KLHL8: variants seen among roughly 807,000 people sequenced by gnomAD.
KLHL8 encodes the protein kelch like family member 8, also known as kelch-like protein 8.
A neutral mutation model predicts 63.5 loss-of-function variants in KLHL8; 38 were observed. That is an observed-to-expected ratio of 0.60 (90% CI 0.46 to 0.78). The LOEUF (loss-of-function observed/expected upper bound fraction) is 0.78, where lower values mean the gene tolerates loss of function less well. KLHL8 is among the 30% of genes least tolerant of loss of function. The probability of loss-of-function intolerance (pLI) is 0.00; values close to 1 mark genes in which losing one functional copy is unlikely to be tolerated. For missense variants in KLHL8, 566 were observed against 752.4 expected, an observed-to-expected ratio of 0.75 and a Z score of 2.90; for synonymous variants, 224 against 254.3, an observed-to-expected ratio of 0.88 and a Z score of 1.13.
rs552207988 is a variant in KLHL8 at position 87,171,396 on chromosome 4, A to T, written c.1209-781T>A. 2.0e-5 allele frequency among the ~76,000 whole-genome samples: 3 copies of T among 152,266 alleles called. No homozygotes were observed. In the South Asian group the frequency reaches 6.2e-4, roughly 32 times the overall value. ...CTATGAAGTATTAGCTTTTATTATTATTGGAGAAAGCAGCTGCTTCACTGA... is the reference window on the plus strand; with the variant it reads ...CTATGAAGTATTAGCTTTTATTATTTTTGGAGAAAGCAGCTGCTTCACTGA... On this transcript the variant is annotated intron_variant, in intron 6 of 9. Coordinates refer to ENST00000273963, the MANE Select transcript of KLHL8 (RefSeq NM_020803.5).
Position 87,161,605 on chromosome 4 carries a change from AAATAT to A in KLHL8, c.*1909_*1913del. The A allele has an allele frequency of 6.6e-6, 1 of 152,374 alleles. No individual in the cohort carries two copies. Among genetic ancestry groups the A allele is most frequent in the Non-Finnish European group, 1.5e-5 (1 of 68,036 alleles). The allele number at this position is 152,374 out of a possible 1,614,324, so 9.4% of individuals were successfully genotyped here. ...ATAACAAGATCCTCTCCCCGAAAATAAATATAACAAACATATTAGTAACCATAGCT... is the reference window on the plus strand; with the variant it reads ...ATAACAAGATCCTCTCCCCGAAAATAAACAAACATATTAGTAACCATAGCT... On this transcript the variant is annotated 3_prime_UTR_variant, in exon 10 of 10. Transcript: ENST00000273963.
In KLHL8 at chr4:87,174,339, C is replaced by T. The variant is rs372739410; in HGVS notation, c.1208+2418G>A. Among the ~76,000 whole-genome samples the T allele has an allele frequency of 3.6e-3, 549 of 151,258 alleles. 1 individual carries two copies. The highest frequency in any genetic ancestry group is 0.012 in the African/African-American group (509 of 41,150). On this transcript the variant is annotated intron_variant, in intron 6 of 9. Transcript: ENST00000273963. ...TGTCATCCAGACTGGAGTGCAATGGCGCAATCTCGGCTCACTGCAACCTCC... is the reference window on the plus strand; with the variant it reads ...TGTCATCCAGACTGGAGTGCAATGGTGCAATCTCGGCTCACTGCAACCTCC...
chr4:87,203,244 C>T (rs1731987121), intron 1 of KLHL8, among the ~76,000 whole-genome samples: 1 of 151,374 alleles, frequency 6.6e-6, no homozygotes, highest in Non-Finnish European at 1.5e-5. Context: ...TCACTAAAAA[C>T]AAGGTGAACA....
intron 4 of KLHL8, among the ~76,000 whole-genome samples, chr4:87,181,908 C>T (rs1731065905): frequency 6.6e-6 from 1 of 151,936 alleles, no homozygotes; most frequent in African/African-American, 2.4e-5. Context: ...TCTAAATTCA[C>T]AACAAAAAAG....
chr4:87,176,903 A>G, intron 5 of KLHL8, 35 bp from the exon 6 acceptor site: 1 of 1,061,650 alleles, frequency 9.4e-7, no homozygotes, highest in South Asian at 1.4e-5. Context: ...TTTGACTCCA[A>G]ACAAATAAAT....
At chr4:87,173,560 G>A (rs1249225078) in intron 6 of KLHL8, among the ~76,000 whole-genome samples, 1 of 152,144 alleles carries the variant, frequency 6.6e-6, no homozygotes, top group Non-Finnish European at 1.5e-5. Flanking sequence ...TTTCACATGT[G>A]AAAATGTATT....
At chr4:87,202,294 A>AT (rs1355272462) in intron 1 of KLHL8, among the ~76,000 whole-genome samples, 1 of 152,126 alleles carries the variant, frequency 6.6e-6, no homozygotes, top group African/African-American at 2.4e-5. Flanking sequence ...AGATCAACAT[A>AT]TTTTTAGTAG....
At chr4:87,174,904 ATTCC>A (rs1447489609) in intron 6 of KLHL8, among the ~76,000 whole-genome samples, 1 of 152,202 alleles carries the variant, frequency 6.6e-6, no homozygotes, top group East Asian at 1.9e-4. Flanking sequence ...ACAAATATTT[ATTCC>A]TTCCTACTAA....
chr4:87,213,990 T>G (rs943295149), intron 1 of KLHL8, among the ~76,000 whole-genome samples: 1 of 152,186 alleles, frequency 6.6e-6, no homozygotes, highest in Admixed American at 6.5e-5. Flanking sequence ...AGTGAAGTAA[T>G]TTATATAAAG....
intron 1 of KLHL8, among the ~76,000 whole-genome samples, chr4:87,218,009 C>A (rs1453739958): frequency 6.6e-6 from 1 of 152,090 alleles, no homozygotes. Context: ...TGTCCAAACC[C>A]ACAGAATGTT....
At chr4:87,231,789 G>A (rs1459301791) in intron 1 of KLHL8, among the ~76,000 whole-genome samples, 3 of 152,074 alleles carry the variant, frequency 2.0e-5, no homozygotes, top group East Asian at 1.9e-4. Context: ...GTAGAGACGA[G>A]GTTTCGCCAT....
chr4:87,169,700 A>G (rs1230854137), intron 8 of KLHL8, among the ~76,000 whole-genome samples: 2 of 152,126 alleles, frequency 1.3e-5, no homozygotes, highest in Admixed American at 6.5e-5. Flanking sequence ...CATCTCTACA[A>G]AAAACAGAAA....
chr4:87,199,996 C>G (rs889478396), intron 1 of KLHL8, among the ~76,000 whole-genome samples: 1 of 150,912 alleles, frequency 6.6e-6, no homozygotes, highest in African/African-American at 2.4e-5. Flanking sequence ...CAAAAATTAG[C>G]TGGACGTGGT....
At chr4:87,238,195 A>G (rs1471406396) in intron 1 of KLHL8, among the ~76,000 whole-genome samples, 1 of 152,172 alleles carries the variant, frequency 6.6e-6, no homozygotes, top group Non-Finnish European at 1.5e-5. Flanking sequence ...CGGCCTCCCA[A>G]AGTCCTGGGA....
chr4:87,208,413 C>T (rs1182086173), intron 1 of KLHL8, among the ~76,000 whole-genome samples: 1 of 150,858 alleles, frequency 6.6e-6, no homozygotes, highest in African/African-American at 2.4e-5. Flanking sequence ...GCCACCCAGG[C>T]TACAGTGCAG....
At chr4:87,207,801 G>C in intron 1 of KLHL8, 1 of 966,172 alleles carries the variant, frequency 1.0e-6, no homozygotes, top group Non-Finnish European at 1.7e-6. Context: ...CCACTGCCAA[G>C]GTGTCGGTCA....
chr4:87,163,717 T>C (rs763952534), intron 9 of KLHL8, 75 bp from the exon 10 acceptor site: 4 of 1,587,450 alleles, frequency 2.5e-6, no homozygotes, highest in Admixed American at 3.5e-5. Context: ...AGACAAAAAT[T>C]CCCTATGTGA....
chr4:87,226,738 T>C (rs185540083), intron 1 of KLHL8, among the ~76,000 whole-genome samples: 1 of 10,256 alleles, frequency 9.8e-5, no homozygotes, highest in African/African-American at 5.5e-4. Context: ...ATATATATTA[T>C]TTATATATAA....
chr4:87,167,295 C>A, intron 8 of KLHL8: 2 of 462,772 alleles, frequency 4.3e-6, no homozygotes, highest in Non-Finnish European at 8.3e-6. Context: ...AGTTCATGGG[C>A]TGCTTTAGTG....
Sources: gnomAD v4.1 joint callset for allele counts (sites outside exome capture counted in the v4.1 genomes callset) on GRCh38, gnomAD v4.1.1 for gene constraint, MANE v1.5 for transcripts, NCBI Gene and HGNC (gene_info 2026-07-23, HGNC 2026-07-21) for gene names.